Variants in RFFL observed in about 807,000 individuals in gnomAD.
RFFL encodes the protein ring finger and FYVE like domain containing E3 ubiquitin protein ligase.
RFFL carries 16 observed loss-of-function variants against 40.4 expected under a neutral mutation model. The ratio of observed to expected loss-of-function variants is 0.40; its 90% confidence interval spans 0.27 to 0.60. The LOEUF (loss-of-function observed/expected upper bound fraction) is 0.60, where lower values mean the gene tolerates loss of function less well. Among genes scored for constraint, RFFL ranks in the 20% least tolerant of loss-of-function variants. RFFL has a pLI of 0.47. For synonymous variants in RFFL, 154 were observed against 167.9 expected, an observed-to-expected ratio of 0.92 and a Z score of 0.64; for missense variants, 367 against 451.7, an observed-to-expected ratio of 0.81 and a Z score of 1.70.
chr17:35,070,448 G>A (rs547568770), intron 1 of RFFL, among the ~76,000 whole-genome samples: 9 of 152,272 alleles, frequency 5.9e-5, no homozygotes, highest in Middle Eastern at 3.4e-3. Context: ...GAGATTATAG[G>A]TGTGAGCAGT....
At position 35,006,442 on chromosome 17, in the gene RFFL, C is replaced by T. The variant is rs2090895848; in HGVS notation, c.*5526G>A. ...GTTACGTTAACATCTAAGCCTCAAT[C>T]CCTCCAAGTAGAATGGGTGCACCTA... is the stretch of plus-strand genomic sequence containing the variant. On this transcript the variant is annotated 3_prime_UTR_variant, in exon 7 of 7. Coordinates refer to ENST00000394597, the MANE Select transcript of RFFL (RefSeq NM_001017368.2). The T allele has an allele frequency of 6.6e-6, 1 of 152,368 alleles. No homozygotes were observed. Among genetic ancestry groups the T allele is most frequent in the African/African-American group, 2.4e-5 (1 of 41,454 alleles). The allele number at this position is 152,368 out of a possible 1,614,324, so 9.4% of individuals were successfully genotyped here.
Position 35,021,836 on chromosome 17 carries a change from G to C in RFFL, c.181-55C>G, listed in dbSNP as rs183724243. ...TGTCAGATTGAGAGAACAAGACAGA[G>C]AGTGCGATGGGAGCTTCAGAGCTGC... On this transcript the variant is annotated intron_variant, in intron 2 of 6. Transcript: ENST00000394597. The C allele has an allele frequency of 2.8e-5, 44 of 1,571,446 alleles. No homozygotes were observed. In the East Asian group the frequency reaches 3.1e-4, roughly 11 times the overall value.
intron 4 of RFFL, among the ~76,000 whole-genome samples, chr17:35,017,053 G>A (rs185379515): frequency 1.0e-3 from 152 of 152,072 alleles, no homozygotes; most frequent in Non-Finnish European, 1.2e-3. Context: ...CTTCTCCCCT[G>A]GAGACTTCTG....
At chr17:35,057,009 G>A (rs949437058) in intron 1 of RFFL, among the ~76,000 whole-genome samples, 2 of 150,888 alleles carry the variant, frequency 1.3e-5, no homozygotes, top group African/African-American at 2.4e-5. Flanking sequence ...TCCACCTCCC[G>A]GGTTCCAACA....
intron 1 of RFFL, among the ~76,000 whole-genome samples, chr17:35,071,762 A>G (rs1435299691): frequency 6.6e-6 from 1 of 152,244 alleles, no homozygotes; most frequent in African/African-American, 2.4e-5. Context: ...ACAAATGTTC[A>G]TTATGGCTTC....
intron 1 of RFFL, among the ~76,000 whole-genome samples, chr17:35,039,365 ACG>A (rs1171115701): frequency 6.6e-6 from 1 of 152,032 alleles, no homozygotes; most frequent in African/African-American, 2.4e-5. Context: ...GATTACAGGC[ACG>A]TGCCATCACA....
chr17:35,012,194 G>T, intron 6 of RFFL, 45 bp from the exon 7 acceptor site: 1 of 1,573,858 alleles, frequency 6.4e-7, no homozygotes, highest in South Asian at 1.1e-5. Flanking sequence ...GAGGAGTGAG[G>T]AGAATGTCTT....
chr17:35,021,240 T>C (rs893399857), intron 3 of RFFL, 131 bp downstream of exon 3: 13 of 894,344 alleles, frequency 1.5e-5, no homozygotes, highest in Admixed American at 3.5e-5. Context: ...GGTGCACCAG[T>C]AGTCAGAAAG....
Position 35,016,492 on chromosome 17 carries a change from A to G in RFFL, c.764T>C (p.Val255Ala). 6.2e-7 allele frequency: 1 copy of G among 1,614,180 alleles called. No individual in the cohort carries two copies. The highest frequency in any genetic ancestry group is 8.5e-7 in the Non-Finnish European group (1 of 1,180,022). ...TDLEDIEGLT[V>A]RQLKEILARN... ...AGCCAAGATCTCTTTCAGCTGCCGC[A>G]CTGTCAGGCCTTCAATGTCCTCCAG... Residue 255 changes from valine (V) to alanine (A), a missense_variant, in exon 5 of 7, where the codon GTG becomes GCG. Val to Ala is a moderately conservative substitution (Grantham distance 64, BLOSUM62 0). Coordinates refer to ENST00000394597, the MANE Select transcript of RFFL (RefSeq NM_001017368.2).
intron 1 of RFFL, among the ~76,000 whole-genome samples, chr17:35,054,204 A>G (rs974749139): frequency 2.6e-5 from 4 of 152,174 alleles, no homozygotes; most frequent in Non-Finnish European, 4.4e-5. Context: ...CTTCCTCTCT[A>G]ACCGTGTAGA....
rs1322046089 is a variant in RFFL, at chr17:35,015,714, A to T, written c.886+656T>A. Among the ~76,000 whole-genome samples, 3 of 152,250 alleles carry T rather than the reference A, an allele frequency of 2.0e-5. No homozygotes were observed. The South Asian group carries it at 6.2e-4, about 31-fold the overall frequency. On this transcript the variant is annotated intron_variant, in intron 5 of 6. Coordinates refer to ENST00000394597, the MANE Select transcript of RFFL (RefSeq NM_001017368.2). ...AAAGGAGAAGATTCTGTGGTGAAAT[A>T]ATTTCAGGAAATGCTAAGTTCAAAA...
intron 1 of RFFL, among the ~76,000 whole-genome samples, chr17:35,055,687 A>G (rs2091256926): frequency 6.9e-6 from 1 of 145,238 alleles, no homozygotes; most frequent in Non-Finnish European, 1.5e-5. Flanking sequence ...AAAACAAACA[A>G]ACAAACAAAC....
Position 35,032,293 on chromosome 17 carries a change from GCA to G in RFFL, c.-8-5734_-8-5733del, listed in dbSNP as rs532532449. On this transcript the variant is annotated intron_variant, in intron 1 of 6. Coordinates refer to ENST00000394597, the MANE Select transcript of RFFL (RefSeq NM_001017368.2). ...TGTTGTCTCATTTGCATATTAGAGT[GCA>G]CACTTATAAGCAGTGTGTGGGACAG... Among the ~76,000 whole-genome samples the G allele has an allele frequency of 1.4e-3, 206 of 152,068 alleles. 7 individuals are homozygous for G. The highest frequency in any genetic ancestry group is 4.9e-3 in the African/African-American group (201 of 41,374).
At chr17:35,083,961 T>G in intron 1 of RFFL, among the ~76,000 whole-genome samples, 1 of 151,972 alleles carries the variant, frequency 6.6e-6, no homozygotes, top group African/African-American at 2.4e-5. Flanking sequence ...CCAGGCACGG[T>G]GGCTCAATGG....
intron 1 of RFFL, among the ~76,000 whole-genome samples, chr17:35,072,763 G>A (rs1180464432): frequency 6.6e-6 from 1 of 151,970 alleles, no homozygotes; most frequent in Non-Finnish European, 1.5e-5. Flanking sequence ...AAAAAAAGTG[G>A]TCGGGCGTGG....
chr17:35,043,617 T>C (rs1366543510), intron 1 of RFFL, among the ~76,000 whole-genome samples: 3 of 152,174 alleles, frequency 2.0e-5, no homozygotes, highest in Non-Finnish European at 2.9e-5. Context: ...TAATCTTCTG[T>C]GCTATTATTT....
chr17:35,067,515 G>A (rs1247268200), upstream of RFFL, among the ~76,000 whole-genome samples: 2 of 145,406 alleles, frequency 1.4e-5, no homozygotes, highest in Non-Finnish European at 3.0e-5. Context: ...GGAGTGCAGT[G>A]GCACAATTTC....
intron 1 of RFFL, chr17:35,073,739 G>A (rs898276879): frequency 6.6e-6 from 1 of 151,780 alleles, no homozygotes; most frequent in African/African-American, 2.4e-5. Flanking sequence ...TAATTGGGAA[G>A]GCCTATTGAC....
Position 35,011,964 on chromosome 17 carries a change from G to C in RFFL, c.*4C>G. The C allele has an allele frequency of 6.2e-7, 1 of 1,613,714 alleles. No homozygotes were observed. Among genetic ancestry groups the C allele is most frequent in the Non-Finnish European group, 8.5e-7 (1 of 1,179,746 alleles). ...TAAGGCACTGAAGAAACCGATGCAA[G>C]CTCTCAGGACCGGAAGACATGCACA... On this transcript the variant is annotated 3_prime_UTR_variant, in exon 7 of 7. Coordinates refer to ENST00000394597, the MANE Select transcript of RFFL (RefSeq NM_001017368.2).
Sources: allele counts gnomAD v4.1 joint callset (sites outside exome capture counted in the v4.1 genomes callset), GRCh38; gene constraint gnomAD v4.1.1; transcripts MANE v1.5; gene names NCBI Gene and HGNC (gene_info 2026-07-23, HGNC 2026-07-21).